The following PUDP variants were observed in gnomAD, a reference collection of about 807,000 sequenced individuals.
PUDP encodes pseudouridine 5'-phosphatase.
In PUDP, 8 loss-of-function variants were observed where a neutral mutation model predicts 9.4. That is an observed-to-expected ratio of 0.85 (90% CI 0.50 to 1.53). The LOEUF (loss-of-function observed/expected upper bound fraction) is 1.53, where lower values mean the gene tolerates loss of function less well. PUDP is among the 40% of genes most tolerant of loss of function. The pLI is 0.00. For missense variants in PUDP, 188 were observed against 189.7 expected (o/e 0.99, Z 0.05); for synonymous variants, 99 against 80.7 (o/e 1.23, Z -1.22).
intron 1 of PUDP, among the ~76,000 whole-genome samples, chrX:7,003,420 A>C (rs1929356309): frequency 9.0e-6 from 1 of 111,336 alleles, no homozygotes; most frequent in African/African-American, 3.3e-5. Context: ...ATGTATTGTG[A>C]GTCCTGATTC....
At chrX:6,954,445 C>T (rs1201855559) in intron 3 of PUDP, among the ~76,000 whole-genome samples, 1 of 110,919 alleles carries the variant, frequency 9.0e-6, no homozygotes, top group Non-Finnish European at 1.9e-5. Flanking sequence ...TCACCACATA[C>T]TGGCTCCTCT....
intron 3 of PUDP, among the ~76,000 whole-genome samples, chrX:6,901,018 C>T (rs774570216): frequency 2.2e-4 from 24 of 110,960 alleles, no homozygotes; most frequent in South Asian, 1.9e-3. Flanking sequence ...CCTCGTGATC[C>T]GCCCGCCTCG....
rs181814191 is a variant in PUDP, at chrX:6,863,739, G to A, written c.*247+113394C>T. ...GAGCTGAAATTGGCATACGGTCTAC[G>A]GTTGCTTTTCAGAAAAGAATGTTTG... On this transcript the variant is annotated intron_variant and NMD_transcript_variant, in intron 3 of 3. Transcript: ENST00000655425. 4.5e-5 allele frequency among the ~76,000 whole-genome samples: 5 copies of A among 111,841 alleles called. No homozygotes were observed. The East Asian group carries it at 1.1e-3, about 25-fold the overall frequency.
chrX:6,831,660 T>C (rs1926505608), intron 3 of PUDP, among the ~76,000 whole-genome samples: 1 of 112,461 alleles, frequency 8.9e-6, no homozygotes, highest in African/African-American at 3.2e-5. Flanking sequence ...ATTCATCATA[T>C]TGAACAATTT....
chrX:7,051,155 C>T (rs1241881529), intron 3 of PUDP, among the ~76,000 whole-genome samples: 1 of 111,503 alleles, frequency 9.0e-6, no homozygotes, highest in Non-Finnish European at 1.9e-5. Flanking sequence ...CCTAAGTGCC[C>T]ATCCACCAAT....
intron 3 of PUDP, among the ~76,000 whole-genome samples, chrX:6,917,664 CT>C: frequency 8.9e-6 from 1 of 112,012 alleles, no homozygotes; most frequent in East Asian, 2.8e-4. Flanking sequence ...TGCATAATGC[CT>C]TTGTAATTAT....
At chrX:6,962,102 C>T (rs1195416208) in intron 3 of PUDP, among the ~76,000 whole-genome samples, 6 of 111,780 alleles carry the variant, frequency 5.4e-5, no homozygotes, top group Non-Finnish European at 1.1e-4. Context: ...GGAGAATCCA[C>T]AACATTCTTG....
intron 3 of PUDP, among the ~76,000 whole-genome samples, chrX:6,832,028 A>C (rs1264051681): frequency 8.9e-6 from 1 of 112,195 alleles, no homozygotes; most frequent in African/African-American, 3.2e-5. Context: ...ATGTGCTAAA[A>C]AGAAAACCAA....
intron 3 of PUDP, among the ~76,000 whole-genome samples, chrX:6,890,989 C>T (rs1056140360): frequency 1.9e-5 from 2 of 102,765 alleles, no homozygotes; most frequent in East Asian, 3.0e-4. Context: ...GTGGCACACA[C>T]CTGTAGTATC....
Position 7,077,232 on chromosome X carries a change from A to C in PUDP, c.498T>G (p.Pro166=). The C allele has an allele frequency of 8.4e-7, 1 of 1,193,450 alleles. No homozygotes were observed. The highest frequency in any genetic ancestry group is 1.1e-6 in the Non-Finnish European group (1 of 886,230). ...GGCACCCACTTACCTTCTCCATAGC[A>C]GGAGGGGGAGAGAACCTCTTGGCAC... ...LACAKRFSPP[P]AMEKCLVFED... The change falls in exon 3 of 4, where the codon CCT becomes CCG. Residue 166 remains proline, a synonymous_variant. Transcript: ENST00000381077.
intron 1 of PUDP, among the ~76,000 whole-genome samples, chrX:7,035,375 A>G (rs3936773): frequency 0.25 from 27,604 of 111,163 alleles, 2,714 homozygotes; most frequent in Admixed American, 0.41. Flanking sequence ...CATGCTGTAC[A>G]TGCAGTTTTG....
intron 3 of PUDP, among the ~76,000 whole-genome samples, chrX:6,846,365 G>C (rs1165427126): frequency 1.9e-5 from 2 of 103,949 alleles, no homozygotes; most frequent in African/African-American, 7.1e-5. Context: ...AGCGGAGATC[G>C]TGCCACGGCA....
At chrX:6,741,166 A>C (rs1924931831) in intron 3 of PUDP, among the ~76,000 whole-genome samples, 1 of 110,269 alleles carries the variant, frequency 9.1e-6, no homozygotes, top group Admixed American at 9.7e-5. Flanking sequence ...TCTCCAAAAA[A>C]AAAAAAAAAA....
intron 1 of PUDP, among the ~76,000 whole-genome samples, chrX:7,126,549 G>A (rs1221798300): frequency 6.3e-5 from 7 of 111,765 alleles, no homozygotes; most frequent in African/African-American, 2.3e-4. Context: ...CAGTCAGCAG[G>A]GTTGGTCTCT....
At chrX:6,717,078 T>C (rs977670102) in intron 1 of PUDP, among the ~76,000 whole-genome samples, 25 of 111,661 alleles carry the variant, frequency 2.2e-4, no homozygotes, top group African/African-American at 7.8e-4. Context: ...CAGAATATAT[T>C]AAATCTTATA....
chrX:6,948,022 A>T lies in PUDP; in HGVS notation c.*247+29111T>A, dbSNP rs920000502. Among the ~76,000 whole-genome samples the T allele has an allele frequency of 3.6e-5, 4 of 111,691 alleles. No homozygotes were observed. In the Admixed American group the frequency reaches 3.8e-4, roughly 11 times the overall value. On this transcript the variant is annotated intron_variant and NMD_transcript_variant, in intron 3 of 3. Coordinates refer to the PUDP transcript ENST00000655425. ...TTCACAGCCAGCCTCTTAAAAGGAA[A>T]AACAAAAAGGAGGAATATTAGACAT...
Position 6,928,829 on chromosome X carries a change from C to T in PUDP, c.*247+48304G>A, listed in dbSNP as rs772626791. ...AGGAGGATCTCTTGAGCCGGGGAGG[C>T]GGAGGTTGCAGTAAGCCCAGATCGT... is the stretch of plus-strand genomic sequence containing the variant. On this transcript the variant is annotated intron_variant and NMD_transcript_variant, in intron 3 of 3. Coordinates refer to the PUDP transcript ENST00000655425. 2.7e-5 allele frequency among the ~76,000 whole-genome samples: 3 copies of T among 111,075 alleles called. No individual in the cohort carries two copies. In the South Asian group the frequency reaches 1.2e-3, roughly 43 times the overall value.
chrX:7,077,416 T>C lies in PUDP; in HGVS notation c.314A>G (p.His105Arg), dbSNP rs768381608. Residue 105 changes from histidine (H) to arginine (R), a missense_variant, in exon 3 of 4, where the codon CAT becomes CGT. Physicochemically the swap from His to Arg is conservative, Grantham distance 29. Coordinates refer to ENST00000381077, the MANE Select transcript of PUDP (RefSeq NM_012080.5). ...GGTGGCCAGTGCAAAGGGGATGCCA[T>C]GTTTCCGCAGGTGGATGATGAGTTT... ...AEKLIIHLRK[H>R]GIPFALATSS... The C allele has an allele frequency of 8.3e-7, 1 of 1,208,705 alleles. No homozygotes were observed. The highest frequency in any genetic ancestry group is 1.8e-5 in the South Asian group (1 of 56,678).
intron 3 of PUDP, among the ~76,000 whole-genome samples, chrX:6,726,911 AG>A (rs1449372031): frequency 8.9e-6 from 1 of 112,194 alleles, no homozygotes; most frequent in Non-Finnish European, 1.9e-5. Context: ...AAAGGCAGTA[AG>A]GCATGAGAGG....
Sources: gnomAD v4.1 joint callset for allele counts (sites outside exome capture counted in the v4.1 genomes callset) on GRCh38, gnomAD v4.1.1 for gene constraint, MANE v1.5 for transcripts, NCBI Gene and HGNC (gene_info 2026-07-23, HGNC 2026-07-21) for gene names.